SYT9: variants seen among roughly 807,000 people sequenced by gnomAD.
SYT9 encodes the protein synaptotagmin 9.
SYT9 carries 22 observed loss-of-function variants against 48.4 expected under a neutral mutation model. The observed-to-expected ratio is 0.45, with a 90% CI of 0.32 to 0.65. The LOEUF is 0.65. Ranked by LOEUF, SYT9 falls within the 30% of genes least tolerant of loss-of-function variation. SYT9 has a pLI of 0.03. For synonymous variants in SYT9, 265 were observed against 245.0 expected (o/e 1.08, Z -0.76); for missense variants, 577 against 622.0 (o/e 0.93, Z 0.77).
At chr11:7,377,809 A>T (rs973076341) in intron 3 of SYT9, among the ~76,000 whole-genome samples, 51 of 152,122 alleles carry the variant, frequency 3.4e-4, no homozygotes, top group African/African-American at 1.2e-3. Flanking sequence ...TGGGCTCCCC[A>T]CTTGGGAATG....
chr11:7,408,580 A>AT (rs1300409428), intron 3 of SYT9, among the ~76,000 whole-genome samples: 2 of 152,100 alleles, frequency 1.3e-5, no homozygotes, highest in Non-Finnish European at 2.9e-5. Flanking sequence ...GTTCTTAGGT[A>AT]TTTTTTGTAG....
intron 6 of SYT9, among the ~76,000 whole-genome samples, chr11:7,459,150 T>C (rs888608608): frequency 2.0e-5 from 3 of 152,254 alleles, no homozygotes; most frequent in South Asian, 2.1e-4. Context: ...CGTGGAAAGA[T>C]AGAGCTGCCA....
chr11:7,455,508 A>ATTT (rs111963518), intron 6 of SYT9, among the ~76,000 whole-genome samples: 2 of 145,104 alleles, frequency 1.4e-5, no homozygotes, highest in African/African-American at 5.0e-5. Context: ...TAATTTTTGT[A>ATTT]TTTTTTTTTT....
chr11:7,305,065 G>A (rs375554165), intron 2 of SYT9, among the ~76,000 whole-genome samples: 47 of 151,918 alleles, frequency 3.1e-4, no homozygotes, highest in African/African-American at 1.1e-3. Flanking sequence ...ATTTATACTG[G>A]GAAAGTATAT....
At chr11:7,279,007 A>G (rs73409544) in intron 1 of SYT9, among the ~76,000 whole-genome samples, 4,241 of 152,304 alleles carry the variant, frequency 0.028, 197 homozygotes, top group African/African-American at 0.096. Flanking sequence ...TGAATCAGGA[A>G]GGAAGATATC....
chr11:7,333,280 C>T (rs971108197), intron 3 of SYT9, among the ~76,000 whole-genome samples: 1 of 152,148 alleles, frequency 6.6e-6, no homozygotes, highest in African/African-American at 2.4e-5. Flanking sequence ...CAATCTTTAT[C>T]TTTCCAGCTC....
At chr11:7,403,660 TGTG>T (rs1396605025) in intron 3 of SYT9, among the ~76,000 whole-genome samples, 3 of 152,228 alleles carry the variant, frequency 2.0e-5, no homozygotes, top group African/African-American at 4.8e-5. Flanking sequence ...TTATTTCCAT[TGTG>T]GTAAGAAAAT....
chr11:7,305,168 GGAGA>G (rs923311498), intron 2 of SYT9, among the ~76,000 whole-genome samples: 2 of 152,098 alleles, frequency 1.3e-5, no homozygotes, highest in Non-Finnish European at 1.5e-5. Context: ...AAATTAAAAG[GGAGA>G]GTGAAGGAAT....
chr11:7,411,696 A>G (rs1348699101), intron 3 of SYT9, among the ~76,000 whole-genome samples: 1 of 152,166 alleles, frequency 6.6e-6, no homozygotes, highest in Non-Finnish European at 1.5e-5. Context: ...CGCTGCAGAG[A>G]AGACCTTCTT....
At chr11:7,401,276 A>C (rs1301177740) in intron 3 of SYT9, among the ~76,000 whole-genome samples, 7 of 151,408 alleles carry the variant, frequency 4.6e-5, no homozygotes, top group Non-Finnish European at 7.4e-5. Flanking sequence ...CTTAGGCATT[A>C]TCCTGTCCCC....
chr11:7,249,937 ACTC>A (rs2119741111), upstream of SYT9, among the ~76,000 whole-genome samples: 1 of 151,538 alleles, frequency 6.6e-6, no homozygotes, highest in East Asian at 1.9e-4. Context: ...TCTACCAAAC[ACTC>A]CTCCTCCCGT....
chr11:7,436,774 G>C (rs1177642267), intron 6 of SYT9, among the ~76,000 whole-genome samples: 1 of 152,188 alleles, frequency 6.6e-6, no homozygotes, highest in Non-Finnish European at 1.5e-5. Context: ...AGAGGAAGAC[G>C]TGACCCAGCT....
chr11:7,241,902 G>A (rs1458601821), intron 1 of SYT9, among the ~76,000 whole-genome samples: 3 of 152,200 alleles, frequency 2.0e-5, no homozygotes, highest in African/African-American at 4.8e-5. Flanking sequence ...AGTCTCTGGA[G>A]TCTCCCAAAC....
chr11:7,438,831 C>T (rs1008111747), intron 6 of SYT9: 1 of 152,380 alleles, frequency 6.6e-6, no homozygotes, highest in Non-Finnish European at 1.5e-5. Context: ...TCCTACATCC[C>T]GCCCCTGACT....
intron 3 of SYT9, among the ~76,000 whole-genome samples, chr11:7,347,384 A>G (rs1383681246): frequency 6.6e-6 from 1 of 152,086 alleles, no homozygotes; most frequent in Non-Finnish European, 1.5e-5. Context: ...GGCAACTGCC[A>G]CTGTACCCGG....
chr11:7,361,333 A>G (rs1210631362), intron 3 of SYT9, among the ~76,000 whole-genome samples: 4 of 152,110 alleles, frequency 2.6e-5, no homozygotes. Flanking sequence ...TGAACTTCCA[A>G]ATCTGTGGAC....
intron 3 of SYT9, among the ~76,000 whole-genome samples, chr11:7,399,493 TAAG>T (rs1320908685): frequency 2.6e-5 from 4 of 152,168 alleles, no homozygotes; most frequent in Non-Finnish European, 4.4e-5. Flanking sequence ...TGCAGAAACT[TAAG>T]AAAATACACA....
chr11:7,382,138 G>A (rs907048886), intron 3 of SYT9, among the ~76,000 whole-genome samples: 5 of 152,176 alleles, frequency 3.3e-5, no homozygotes, highest in African/African-American at 9.7e-5. Flanking sequence ...TCTATGCTGT[G>A]CAACTCGTGT....
At chr11:7,301,953 A>G (rs1369490079) in intron 1 of SYT9, among the ~76,000 whole-genome samples, 2 of 152,182 alleles carry the variant, frequency 1.3e-5, no homozygotes, top group East Asian at 3.9e-4. Context: ...CTGGATACTG[A>G]ACTGCCAAGA....
Sources: gnomAD v4.1 joint callset for allele counts (sites outside exome capture counted in the v4.1 genomes callset) on GRCh38, gnomAD v4.1.1 for gene constraint, MANE v1.5 for transcripts, NCBI Gene and HGNC (gene_info 2026-07-23, HGNC 2026-07-21) for gene names.